The following GTF2F2 variants were observed in gnomAD, a reference collection of about 807,000 sequenced individuals.
GTF2F2 encodes general transcription factor IIF subunit 2.
GTF2F2 carries 23 observed loss-of-function variants against 42.2 expected under a neutral mutation model. The observed-to-expected ratio is 0.55, with a 90% confidence interval of 0.39 to 0.77. GTF2F2 has a LOEUF of 0.77. Ranked by LOEUF, GTF2F2 falls within the 30% of genes least tolerant of loss-of-function variation. GTF2F2 has a pLI of 0.00. For missense variants in GTF2F2, 261 were observed against 287.2 expected, an observed-to-expected ratio of 0.91 and a Z score of 0.66; for synonymous variants, 105 against 100.8, an observed-to-expected ratio of 1.04 and a Z score of -0.25.
intron 4 of GTF2F2, among the ~76,000 whole-genome samples, chr13:45,163,047 G>T (rs1593463997): frequency 6.6e-6 from 1 of 151,784 alleles, no homozygotes; most frequent in East Asian, 1.9e-4. Context: ...AGTTTAACTG[G>T]TGGAAACTAA....
chr13:45,202,465 G>C (rs1367192081), intron 4 of GTF2F2, among the ~76,000 whole-genome samples: 1 of 152,128 alleles, frequency 6.6e-6, no homozygotes, highest in Non-Finnish European at 1.5e-5. Context: ...GCAAGTACAT[G>C]TGTGTTTAAT....
chr13:45,137,579 T>A (rs1259291214), intron 2 of GTF2F2, among the ~76,000 whole-genome samples: 2 of 152,212 alleles, frequency 1.3e-5, no homozygotes, highest in Non-Finnish European at 2.9e-5. Flanking sequence ...TGTCCTCACT[T>A]GTATGTGGTG....
chr13:45,243,204 C>T lies in GTF2F2; in HGVS notation c.387-9667C>T, dbSNP rs145051605. Among the ~76,000 whole-genome samples, 531 of 152,276 alleles carry T rather than the reference C, an allele frequency of 3.5e-3. 1 individual carries two copies. Among genetic ancestry groups the T allele is most frequent in the Non-Finnish European group, 6.3e-3 (428 of 68,028 alleles). The stretch of plus-strand genomic sequence containing the variant: ...TTGCATATAACCTACCTCCATCCTT[C>T]TGTGTACTTTAAATCAGGGGTTCCT... On this transcript the variant is annotated intron_variant, in intron 5 of 7. Transcript: ENST00000340473.
At chr13:45,276,281 G>A (rs1593531846) in intron 7 of GTF2F2, among the ~76,000 whole-genome samples, 2 of 152,096 alleles carry the variant, frequency 1.3e-5, no homozygotes, top group East Asian at 3.8e-4. Context: ...CATTTGGGTT[G>A]GACATTTGCA....
chr13:45,194,499 A>G (rs1461686225), intron 4 of GTF2F2: 1 of 1,614,016 alleles, frequency 6.2e-7, no homozygotes, highest in African/African-American at 1.3e-5. Context: ...CTTGATCAGT[A>G]TCTTCCAGGC....
rs186940624 is a variant in GTF2F2 at position 45,239,042 on chromosome 13, C to G, written c.387-13829C>G. On this transcript the variant is annotated intron_variant, in intron 5 of 7. Coordinates refer to ENST00000340473, the MANE Select transcript of GTF2F2 (RefSeq NM_004128.3). ...ATGTATAATTATTTGGACAAAATCT[C>G]CAGGCAGTACAGTCTTAGGTATCTT... Among the ~76,000 whole-genome samples, 331 of 152,038 alleles carry G rather than the reference C, an allele frequency of 2.2e-3. 3 individuals carry two copies. The highest frequency in any genetic ancestry group is 7.6e-3 in the African/African-American group (316 of 41,462).
intron 5 of GTF2F2, 61 bp downstream of exon 5, chr13:45,207,566 G>A: frequency 2.1e-6 from 2 of 965,364 alleles, no homozygotes; most frequent in Non-Finnish European, 1.7e-6. Flanking sequence ...TGAGATACGT[G>A]TGTTATATCG....
chr13:45,212,906 T>C (rs1873749483), intron 5 of GTF2F2, among the ~76,000 whole-genome samples: 2 of 151,952 alleles, frequency 1.3e-5, no homozygotes, highest in Admixed American at 6.6e-5. Context: ...CACGCCTGGC[T>C]AATTTTTGTG....
chr13:45,193,696 A>G, intron 4 of GTF2F2: 1 of 1,179,362 alleles, frequency 8.5e-7, no homozygotes. Context: ...GTACAGAGCT[A>G]GCTGGGCATG....
intron 5 of GTF2F2, among the ~76,000 whole-genome samples, chr13:45,223,713 T>C (rs887083155): frequency 6.6e-6 from 1 of 152,202 alleles, no homozygotes; most frequent in East Asian, 1.9e-4. Flanking sequence ...TAATCCCCCA[T>C]GTCAGCTCTA....
intron 5 of GTF2F2, among the ~76,000 whole-genome samples, chr13:45,242,256 CTTTTTTTTTT>C (rs71184405): frequency 1.9e-5 from 2 of 105,680 alleles, no homozygotes; most frequent in African/African-American, 3.7e-5. Context: ...GCTGGCACTT[CTTTTTTTTTT>C]TTTTTTTTTT....
intron 1 of GTF2F2, among the ~76,000 whole-genome samples, chr13:45,122,699 C>G (rs1276807689): frequency 1.3e-5 from 2 of 152,134 alleles, no homozygotes; most frequent in African/African-American, 4.8e-5. Context: ...TCATTCTCAT[C>G]TAATCAGAAT....
At chr13:45,143,177 C>T (rs1357795149) in intron 2 of GTF2F2, among the ~76,000 whole-genome samples, 2 of 152,168 alleles carry the variant, frequency 1.3e-5, no homozygotes, top group African/African-American at 4.8e-5. Context: ...ACCAGGTAAA[C>T]TGTACTCACA....
At chr13:45,146,699 G>A (rs149050588) in intron 2 of GTF2F2, among the ~76,000 whole-genome samples, 41 of 152,202 alleles carry the variant, frequency 2.7e-4, no homozygotes, top group Admixed American at 1.0e-3. Context: ...GAATGAGACC[G>A]GAATCTAAAA....
At chr13:45,234,344 A>C (rs1255643957) in intron 5 of GTF2F2, among the ~76,000 whole-genome samples, 1 of 152,054 alleles carries the variant, frequency 6.6e-6, no homozygotes, top group African/African-American at 2.4e-5. Flanking sequence ...TAGAGCTAGC[A>C]GTGCACATAA....
intron 4 of GTF2F2, among the ~76,000 whole-genome samples, chr13:45,198,195 C>G (rs1417706149): frequency 1.3e-5 from 2 of 152,208 alleles, no homozygotes; most frequent in Non-Finnish European, 2.9e-5. Context: ...ATACTAATGT[C>G]CTACCATCTG....
chr13:45,235,255 CTT>C (rs1874907410), intron 5 of GTF2F2, among the ~76,000 whole-genome samples: 1 of 151,802 alleles, frequency 6.6e-6, no homozygotes, highest in South Asian at 2.1e-4. Context: ...AGCAGTTTCT[CTT>C]TTAATTTTTA....
intron 5 of GTF2F2, among the ~76,000 whole-genome samples, chr13:45,212,508 T>TTTCTTTC (rs1555269211): frequency 6.5e-5 from 3 of 46,502 alleles, no homozygotes; most frequent in South Asian, 6.6e-4. Context: ...TCTTTCTTTC[T>TTTCTTTC]TTTCTTTCTT....
Position 45,254,707 on chromosome 13 carries a change from C to A in GTF2F2, c.486+1737C>A, listed in dbSNP as rs186352574. On this transcript the variant is annotated intron_variant, in intron 6 of 7. Transcript: ENST00000340473. The stretch of plus-strand genomic sequence containing the variant: ...TGGTGATTAGCAGTTGCTAAAAGGG[C>A]TAAGGGTTTTGGGTTTTGAAATATC... Among the ~76,000 whole-genome samples, 11 of 152,206 alleles carry A rather than the reference C, an allele frequency of 7.2e-5. No individual in the cohort carries two copies. In the East Asian group the frequency reaches 2.1e-3, roughly 29 times the overall value.
Sources: allele counts gnomAD v4.1 joint callset (sites outside exome capture counted in the v4.1 genomes callset), GRCh38; gene constraint gnomAD v4.1.1; transcripts MANE v1.5; gene names NCBI Gene and HGNC (gene_info 2026-07-23, HGNC 2026-07-21).